CLEC16A: variants seen among roughly 807,000 people sequenced by gnomAD.
The protein encoded by CLEC16A is protein CLEC16A.
A neutral mutation model predicts 109.5 loss-of-function variants in CLEC16A; 51 were observed. That is an observed-to-expected ratio of 0.47 (90% CI 0.37 to 0.59). The LOEUF (loss-of-function observed/expected upper bound fraction) is 0.59, where lower values mean the gene tolerates loss of function less well. Ranked by LOEUF, CLEC16A falls within the 20% of genes least tolerant of loss-of-function variation. CLEC16A has a pLI of 0.00. For missense variants in CLEC16A, 1,339 were observed against 1,394.0 expected, an observed-to-expected ratio of 0.96 and a Z score of 0.63; for synonymous variants, 673 against 564.2, an observed-to-expected ratio of 1.19 and a Z score of -2.73.
At chr16:11,152,760 G>C (rs944322155) in intron 22 of CLEC16A, among the ~76,000 whole-genome samples, 2 of 152,168 alleles carry the variant, frequency 1.3e-5, no homozygotes, top group Non-Finnish European at 2.9e-5. Context: ...CCACAATCTC[G>C]CCAGTCAGGT....
chr16:10,944,882 T>A, intron 1 of CLEC16A, 85 bp downstream of exon 1: 2 of 1,345,424 alleles, frequency 1.5e-6, no homozygotes, highest in Non-Finnish European at 2.1e-6. Flanking sequence ...CTAGGAGGCG[T>A]GAGAGCGGCG....
At chr16:11,121,045 T>C (rs2052372879) in intron 20 of CLEC16A, among the ~76,000 whole-genome samples, 1 of 152,256 alleles carries the variant, frequency 6.6e-6, no homozygotes, top group African/African-American at 2.4e-5. Flanking sequence ...AGATCTGTTT[T>C]TCTGCCAAAG....
intron 19 of CLEC16A, among the ~76,000 whole-genome samples, chr16:11,101,479 ACT>A (rs1228929984): frequency 6.6e-6 from 1 of 151,958 alleles, no homozygotes; most frequent in African/African-American, 2.4e-5. Context: ...TGCGTGTCAC[ACT>A]CTGCGTGTCT....
rs202015427 is a variant in CLEC16A, at chr16:10,969,267, G to A, written c.450G>A (p.Ser150=). 43 of 1,610,258 alleles carry A rather than the reference G, an allele frequency of 2.7e-5. 1 individual carries two copies. The highest frequency in any genetic ancestry group is 3.3e-4 in the Middle Eastern group (2 of 6,078). The change falls in exon 4 of 24, where the codon TCG becomes TCA. Residue 150 remains serine (S), a synonymous_variant. Transcript: ENST00000409790. The part of the protein sequence containing the change: ...AYYISFLKTL[S]LKLNNHTVHF... ...ATATATCGTTCCTGAAAACACTTTCGTTAAAACTCAACAACCACACTGTCC... is the reference window on the plus strand; with the variant it reads ...ATATATCGTTCCTGAAAACACTTTCATTAAAACTCAACAACCACACTGTCC...
chr16:11,048,593 A>G (rs1168151216), intron 17 of CLEC16A: 1 of 152,110 alleles, frequency 6.6e-6, no homozygotes, highest in Non-Finnish European at 1.5e-5. Context: ...CTGGGCCCTC[A>G]CCACGTCCTT....
At position 11,020,314 on chromosome 16, in the gene CLEC16A, G is replaced by A. The variant is rs748925258; in HGVS notation, c.1425G>A (p.Thr475=). ...CCGCCGCCACCTGCTCTGAGAGCAC[G>A]CAATGGAGCAGGTAGCTGCCCGAGA... ...KSAAATCSES[T]QWSRPFLDMV... The change falls in exon 12 of 24, where the codon ACG becomes ACA. Residue 475 remains threonine, a synonymous_variant. Coordinates refer to ENST00000409790, the MANE Select transcript of CLEC16A (RefSeq NM_015226.3). 3.1e-6 allele frequency: 5 copies of A among 1,610,408 alleles called. No homozygotes were observed. The highest frequency in any genetic ancestry group is 1.1e-5 in the South Asian group (1 of 90,532).
At chr16:11,050,685 C>G (rs1032791739) in intron 17 of CLEC16A, among the ~76,000 whole-genome samples, 2 of 152,190 alleles carry the variant, frequency 1.3e-5, no homozygotes, top group Non-Finnish European at 2.9e-5. Flanking sequence ...GGAAAGAGGC[C>G]GTCAGCTCTG....
At chr16:11,032,075 C>T (rs1199570320) in intron 13 of CLEC16A, among the ~76,000 whole-genome samples, 1 of 152,208 alleles carries the variant, frequency 6.6e-6, no homozygotes, top group African/African-American at 2.4e-5. Flanking sequence ...TAGAGGGTCA[C>T]TTGCCTGGTG....
intron 13 of CLEC16A, 33 bp from the exon 14 acceptor site, chr16:11,039,721 G>T: frequency 6.4e-7 from 1 of 1,573,910 alleles, no homozygotes; most frequent in Non-Finnish European, 8.6e-7. Context: ...GTAGTCAGGA[G>T]GCCTCCACTT....
At chr16:11,079,618 A>G (rs1038588429) in intron 19 of CLEC16A, among the ~76,000 whole-genome samples, 4 of 152,096 alleles carry the variant, frequency 2.6e-5, no homozygotes, top group Non-Finnish European at 5.9e-5. Context: ...TTTACTACCT[A>G]TACCCTGGCC....
intron 19 of CLEC16A, among the ~76,000 whole-genome samples, chr16:11,092,505 C>T (rs1021984180): frequency 6.6e-6 from 1 of 152,118 alleles, no homozygotes; most frequent in African/African-American, 2.4e-5. Flanking sequence ...GATCATACCA[C>T]TGCACTCCAG....
intron 19 of CLEC16A, among the ~76,000 whole-genome samples, chr16:11,075,664 T>A (rs1265628981): frequency 3.3e-5 from 5 of 152,030 alleles, no homozygotes; most frequent in Non-Finnish European, 7.4e-5. Flanking sequence ...CTCAAACTCC[T>A]GGGCTCAAGC....
chr16:11,046,442 A>T (rs984911471), intron 16 of CLEC16A, among the ~76,000 whole-genome samples: 3 of 152,056 alleles, frequency 2.0e-5, no homozygotes, highest in East Asian at 1.9e-4. Flanking sequence ...CCTAAAAAGG[A>T]TCTATTCCCT....
chr16:11,128,344 G>C (rs189482979), intron 22 of CLEC16A, among the ~76,000 whole-genome samples: 1 of 152,254 alleles, frequency 6.6e-6, no homozygotes, highest in African/African-American at 2.4e-5. Flanking sequence ...TCAAATGCCA[G>C]GAGTGTGGCC....
At chr16:11,115,830 C>T (rs899148846) in intron 19 of CLEC16A, among the ~76,000 whole-genome samples, 1 of 151,618 alleles carries the variant, frequency 6.6e-6, no homozygotes, top group Non-Finnish European at 1.5e-5. Flanking sequence ...GATAAACATA[C>T]TATTGTACAT....
At chr16:11,165,297 C>A (rs540896115) in intron 22 of CLEC16A, among the ~76,000 whole-genome samples, 2 of 151,922 alleles carry the variant, frequency 1.3e-5, no homozygotes, top group African/African-American at 4.8e-5. Flanking sequence ...TCAAGACCAG[C>A]CTGGGCAATA....
chr16:11,151,349 G>GT (rs1181581146), intron 22 of CLEC16A, among the ~76,000 whole-genome samples: 2 of 152,226 alleles, frequency 1.3e-5, no homozygotes, highest in Admixed American at 6.5e-5. Context: ...AGAAAGCAGA[G>GT]TAGGGGGATG....
In CLEC16A at chr16:11,019,910, C is replaced by T. The variant is rs371875259; in HGVS notation, c.1304-283C>T. Among the ~76,000 whole-genome samples, 11 of 152,108 alleles carry T rather than the reference C, an allele frequency of 7.2e-5. No individual in the cohort carries two copies. In the East Asian group the frequency reaches 1.7e-3, roughly 24 times the overall value. On this transcript the variant is annotated intron_variant, in intron 11 of 23. Coordinates refer to ENST00000409790, the MANE Select transcript of CLEC16A (RefSeq NM_015226.3). ...TGTGGTATCAATAAAGTAAAAAAGA[C>T]GATTTTAAACTCTCGAAATAGAATA...
chr16:11,067,417 G>GT (rs2048832283), intron 19 of CLEC16A, among the ~76,000 whole-genome samples: 5 of 151,952 alleles, frequency 3.3e-5, no homozygotes, highest in Admixed American at 6.6e-5. Context: ...AGGGCTGCAG[G>GT]GGGGGTGTGG....
Sources: gnomAD v4.1 joint callset for allele counts (sites outside exome capture counted in the v4.1 genomes callset) on GRCh38, gnomAD v4.1.1 for gene constraint, MANE v1.5 for transcripts, NCBI Gene and HGNC (gene_info 2026-07-23, HGNC 2026-07-21) for gene names.